The following LIN52 variants were observed in gnomAD, a reference collection of about 807,000 sequenced individuals.
The protein encoded by LIN52 is protein lin-52 homolog.
Under a neutral mutation model 18.5 loss-of-function variants are expected in LIN52, and 4 were observed. The ratio of observed to expected loss-of-function variants is 0.22; its 90% CI spans 0.11 to 0.49. LIN52 has a LOEUF of 0.49. LIN52 is among the 20% of genes least tolerant of loss of function. The probability of loss-of-function intolerance (pLI) is 0.97; values close to 1 mark genes in which losing one functional copy is unlikely to be tolerated. For synonymous variants in LIN52, 34 were observed against 45.5 expected, an observed-to-expected ratio of 0.75 and a Z score of 1.02; for missense variants, 102 against 139.5, an observed-to-expected ratio of 0.73 and a Z score of 1.35.
At chr14:74,147,506 G>A (rs975813054) in intron 5 of LIN52, among the ~76,000 whole-genome samples, 11 of 152,166 alleles carry the variant, frequency 7.2e-5, no homozygotes, top group African/African-American at 2.7e-4. Flanking sequence ...TACTTGGGTA[G>A]GACAGGTGTG....
In LIN52 at chr14:74,200,002, A is replaced by C. The variant is rs1443963107; in HGVS notation, c.*1025A>C. ...TCACCACTTATCTGTCTCTGTTAAA[A>C]TCTGAAAATCTAGCCCATGGCTAAA... is the stretch of plus-strand genomic sequence containing the variant. On this transcript the variant is annotated 3_prime_UTR_variant, in exon 6 of 6. Coordinates refer to ENST00000555028, the MANE Select transcript of LIN52 (RefSeq NM_001024674.3). 1 of 152,152 alleles carries C rather than the reference A, an allele frequency of 6.6e-6. No individual in the cohort carries two copies. Among genetic ancestry groups the C allele is most frequent in the African/African-American group, 2.4e-5 (1 of 41,438 alleles). The allele number at this position is 152,152 out of a possible 1,614,324, so 9.4% of individuals were successfully genotyped here.
At chr14:74,097,918 T>C (rs971207538) in intron 4 of LIN52, 58 bp downstream of exon 4, 7 of 1,287,114 alleles carry the variant, frequency 5.4e-6, no homozygotes, top group Admixed American at 3.8e-5. Context: ...ATAGACCACC[T>C]CTCTATTTTT....
At chr14:74,124,445 A>G (rs559743098) in intron 5 of LIN52, among the ~76,000 whole-genome samples, 1 of 152,324 alleles carries the variant, frequency 6.6e-6, no homozygotes, top group African/African-American at 2.4e-5. Flanking sequence ...TCAAATTACA[A>G]TCCCCCAAAA....
intron 5 of LIN52, among the ~76,000 whole-genome samples, chr14:74,185,417 C>G (rs1413433954): frequency 1.4e-5 from 2 of 144,920 alleles, no homozygotes; most frequent in African/African-American, 5.1e-5. Context: ...TGGGTTCACG[C>G]CATTCTCCTG....
intron 5 of LIN52, among the ~76,000 whole-genome samples, chr14:74,155,898 C>T (rs1034918478): frequency 6.6e-5 from 10 of 152,120 alleles, no homozygotes; most frequent in African/African-American, 2.2e-4. Flanking sequence ...TGAGGCCTTT[C>T]CTCTAGCATC....
intron 5 of LIN52, among the ~76,000 whole-genome samples, chr14:74,175,367 G>A (rs922469797): frequency 6.6e-6 from 1 of 151,886 alleles, no homozygotes; most frequent in Non-Finnish European, 1.5e-5. Context: ...CAGCACTTTG[G>A]GAGGCCAAGG....
intron 5 of LIN52, among the ~76,000 whole-genome samples, chr14:74,195,505 C>CATTT (rs2078906418): frequency 6.6e-6 from 1 of 151,852 alleles, no homozygotes; most frequent in Admixed American, 6.6e-5. Flanking sequence ...GAGTAAAATA[C>CATTT]ATTTATTTAT....
intron 5 of LIN52, among the ~76,000 whole-genome samples, chr14:74,145,680 A>G (rs2061150313): frequency 1.3e-5 from 2 of 152,226 alleles, no homozygotes; most frequent in Non-Finnish European, 2.9e-5. Flanking sequence ...AGAATTGTAA[A>G]CTATAGTAAT....
At chr14:74,142,864 C>T (rs2061137572) in intron 5 of LIN52, among the ~76,000 whole-genome samples, 2 of 145,464 alleles carry the variant, frequency 1.4e-5, no homozygotes, top group Admixed American at 1.3e-4. Context: ...GGCTTGTGGG[C>T]CACATTCAGT....
intron 5 of LIN52, among the ~76,000 whole-genome samples, chr14:74,180,127 T>A (rs944697577): frequency 6.6e-6 from 1 of 152,156 alleles, no homozygotes; most frequent in Non-Finnish European, 1.5e-5. Context: ...GTTCCTGATA[T>A]CCGCACCTGG....
chr14:74,148,183 C>T (rs2061161628), intron 5 of LIN52, among the ~76,000 whole-genome samples: 1 of 152,070 alleles, frequency 6.6e-6, no homozygotes, highest in South Asian at 2.1e-4. Flanking sequence ...GAATAAGTCC[C>T]TTCTAACTCT....
intron 5 of LIN52, among the ~76,000 whole-genome samples, chr14:74,118,260 C>CA (rs2060976394): frequency 1.3e-5 from 2 of 151,520 alleles, no homozygotes; most frequent in African/African-American, 4.9e-5. Flanking sequence ...GACCCTGTGT[C>CA]AAAAAATAAG....
At chr14:74,100,483 A>T (rs994828650) in intron 4 of LIN52, among the ~76,000 whole-genome samples, 7 of 148,454 alleles carry the variant, frequency 4.7e-5, no homozygotes, top group Non-Finnish European at 7.5e-5. Flanking sequence ...TTTTATTTAT[A>T]TTTTTTTTTT....
At chr14:74,105,524 A>T (rs1254989645) in intron 5 of LIN52, among the ~76,000 whole-genome samples, 1 of 152,200 alleles carries the variant, frequency 6.6e-6, no homozygotes, top group African/African-American at 2.4e-5. Flanking sequence ...TGAACTTCTT[A>T]CATACAGTCT....
At chr14:74,122,090 A>G (rs890162643) in intron 5 of LIN52, among the ~76,000 whole-genome samples, 2 of 152,356 alleles carry the variant, frequency 1.3e-5, no homozygotes, top group Admixed American at 6.5e-5. Context: ...CAGCTTTGAC[A>G]TTATTATAAC....
At chr14:74,110,914 C>T (rs574897874) in intron 5 of LIN52, among the ~76,000 whole-genome samples, 4 of 150,730 alleles carry the variant, frequency 2.7e-5, no homozygotes, top group East Asian at 2.0e-4. Flanking sequence ...TGCAGTGAGC[C>T]GAGATCGCGC....
intron 5 of LIN52, among the ~76,000 whole-genome samples, chr14:74,183,417 A>G (rs1394272693): frequency 1.3e-5 from 2 of 152,134 alleles, no homozygotes; most frequent in African/African-American, 2.4e-5. Context: ...ACCCGCTTCT[A>G]AAGCTTTTTC....
chr14:74,101,254 G>T lies in LIN52; in HGVS notation c.283+16G>T. 6.3e-7 allele frequency: 1 copy of T among 1,584,602 alleles called. No homozygotes were observed. Among genetic ancestry groups the T allele is most frequent in the East Asian group, 2.3e-5 (1 of 44,104 alleles). ...CTGGATGAGTGTGAGTACCCCGATC[G>T]CATTTGTTCAGGGGTGTATTCCACC... is the stretch of plus-strand genomic sequence containing the variant. On this transcript the variant is annotated intron_variant, in intron 5 of 5. Transcript: ENST00000555028.
chr14:74,180,069 T>A (rs552988645), intron 5 of LIN52, among the ~76,000 whole-genome samples: 2 of 152,254 alleles, frequency 1.3e-5, no homozygotes, highest in South Asian at 4.1e-4. Context: ...ACATTATAAA[T>A]TCTAACTAAC....
Sources: allele counts gnomAD v4.1 joint callset (sites outside exome capture counted in the v4.1 genomes callset), GRCh38; gene constraint gnomAD v4.1.1; transcripts MANE v1.5; gene names NCBI Gene and HGNC (gene_info 2026-07-23, HGNC 2026-07-21).